TMEM132B: variants seen among roughly 807,000 people sequenced by gnomAD.
The protein encoded by TMEM132B is transmembrane protein 132B.
A neutral mutation model predicts 90.8 loss-of-function variants in TMEM132B; 18 were observed. That is an observed-to-expected ratio of 0.20 (90% CI 0.14 to 0.29). TMEM132B has a LOEUF of 0.29. Ranked by LOEUF, TMEM132B falls within the 10% of genes least tolerant of loss-of-function variation. TMEM132B has a pLI of 1.00. For missense variants in TMEM132B, 1,096 were observed against 1,326.8 expected (o/e 0.83, Z 2.70); for synonymous variants, 504 against 523.3 (o/e 0.96, Z 0.50).
At chr12:125,335,815 T>C (rs1056283751) in intron 1 of TMEM132B, among the ~76,000 whole-genome samples, 1 of 151,970 alleles carries the variant, frequency 6.6e-6, no homozygotes, top group Non-Finnish European at 1.5e-5. Flanking sequence ...GGCAAAACCC[T>C]GTCTCTACTA....
intron 1 of TMEM132B, among the ~76,000 whole-genome samples, chr12:125,287,151 C>T (rs1449770941): frequency 1.3e-5 from 2 of 151,930 alleles, no homozygotes; most frequent in Non-Finnish European, 2.9e-5. Flanking sequence ...TTTATCTCCC[C>T]GGCCTTGCCC....
At chr12:125,589,794 C>T (rs912606937) in intron 5 of TMEM132B, among the ~76,000 whole-genome samples, 1 of 152,118 alleles carries the variant, frequency 6.6e-6, no homozygotes, top group African/African-American at 2.4e-5. Context: ...CTGAATCATT[C>T]ATGAGAAATC....
At chr12:125,233,991 A>G (rs953614025) in intron 1 of TMEM132B, among the ~76,000 whole-genome samples, 1 of 152,214 alleles carries the variant, frequency 6.6e-6, no homozygotes, top group Non-Finnish European at 1.5e-5. Context: ...GCTTCTTATT[A>G]TGAAGATGTA....
chr12:125,577,592 A>G (rs1415509785), intron 4 of TMEM132B, among the ~76,000 whole-genome samples: 7 of 150,452 alleles, frequency 4.7e-5, no homozygotes, highest in African/African-American at 1.7e-4. Context: ...TTATTATTAA[A>G]CTATACTTAA....
chr12:125,315,111 G>A (rs1243063923), intron 1 of TMEM132B, among the ~76,000 whole-genome samples: 1 of 152,376 alleles, frequency 6.6e-6, no homozygotes, highest in African/African-American at 2.4e-5. Flanking sequence ...TGCACAGAAG[G>A]AAGTAGGTTA....
At chr12:125,372,439 G>A (rs979144780) in intron 2 of TMEM132B, among the ~76,000 whole-genome samples, 3 of 152,080 alleles carry the variant, frequency 2.0e-5, no homozygotes, top group African/African-American at 7.2e-5. Flanking sequence ...ATATATTGGC[G>A]GTTTTCCTCT....
intron 4 of TMEM132B, among the ~76,000 whole-genome samples, chr12:125,578,097 A>G (rs1196684793): frequency 6.6e-6 from 1 of 152,080 alleles, no homozygotes; most frequent in Non-Finnish European, 1.5e-5. Context: ...ACTGTGTTCT[A>G]TAGATGTCTG....
intron 4 of TMEM132B, among the ~76,000 whole-genome samples, chr12:125,579,743 T>C (rs1885011541): frequency 1.3e-5 from 2 of 152,204 alleles, no homozygotes; most frequent in South Asian, 4.1e-4. Context: ...ATAATTGTCA[T>C]CTTTGTGTAG....
rs1873816068 is a variant in TMEM132B at position 125,231,306 on chromosome 12, G to T, written c.67+44440G>T. 2.0e-5 allele frequency among the ~76,000 whole-genome samples: 3 copies of T among 152,014 alleles called. No homozygotes were observed. In the South Asian group the frequency reaches 6.2e-4, roughly 32 times the overall value. On this transcript the variant is annotated intron_variant, in intron 1 of 8. Transcript: ENST00000682704. ...TGAATTTAAGGCCCACCCCAATGCA[G>T]TATGACCTCACCTTAACTAATGACA...
chr12:125,457,746 C>T (rs1018970410), intron 3 of TMEM132B, among the ~76,000 whole-genome samples: 1 of 152,156 alleles, frequency 6.6e-6, no homozygotes, highest in African/African-American at 2.4e-5. Context: ...GTGTGCTTGT[C>T]TAGCTGAGCA....
chr12:125,481,218 C>T (rs895595864), intron 3 of TMEM132B, among the ~76,000 whole-genome samples: 1 of 152,206 alleles, frequency 6.6e-6, no homozygotes, highest in Non-Finnish European at 1.5e-5. Flanking sequence ...CCCTCTTTCA[C>T]CACTCCTATT....
intron 5 of TMEM132B, among the ~76,000 whole-genome samples, chr12:125,625,320 A>G (rs1886207736): frequency 6.6e-6 from 1 of 151,830 alleles, no homozygotes; most frequent in African/African-American, 2.4e-5. Context: ...TTTTTAGTAG[A>G]GACGGGGTTT....
chr12:125,282,048 AAAAAAAAAAAAAG>A lies in TMEM132B; in HGVS notation c.68-67402_68-67390del, dbSNP rs1448668177. ...GTCTCAAAAAAAAAAAAAAAAAAAA[AAAAAAAAAAAAAG>A]AGAGACTTTTGAAGCTTGGTGAGAG... On this transcript the variant is annotated intron_variant, in intron 1 of 8. Coordinates refer to ENST00000682704, the MANE Select transcript of TMEM132B (RefSeq NM_001366854.1). Among the ~76,000 whole-genome samples the A allele has an allele frequency of 5.3e-3, 646 of 122,670 alleles. 43 individuals carry two copies. Among genetic ancestry groups the A allele is most frequent in the African/African-American group, 0.019 (572 of 30,010 alleles). The allele number at this position is 122,670 out of a possible 152,430, so 80.5% of individuals were successfully genotyped here.
intron 4 of TMEM132B, among the ~76,000 whole-genome samples, chr12:125,544,423 G>A (rs1386110934): frequency 6.6e-6 from 1 of 152,124 alleles, no homozygotes; most frequent in Non-Finnish European, 1.5e-5. Flanking sequence ...GATGAAAGAG[G>A]TTTATTAGGT....
chr12:125,571,709 A>G (rs948760149), intron 4 of TMEM132B, among the ~76,000 whole-genome samples: 39 of 152,222 alleles, frequency 2.6e-4, no homozygotes, highest in African/African-American at 5.5e-4. Context: ...CTTTCAACAC[A>G]AAGACACATT....
At chr12:125,393,194 G>T (rs146049610) in intron 2 of TMEM132B, among the ~76,000 whole-genome samples, 1 of 152,276 alleles carries the variant, frequency 6.6e-6, no homozygotes, top group African/African-American at 2.4e-5. Flanking sequence ...CAATCACAGG[G>T]ACCTGCTGCA....
intron 3 of TMEM132B, among the ~76,000 whole-genome samples, chr12:125,508,583 C>A (rs527334282): frequency 6.6e-6 from 1 of 152,184 alleles, no homozygotes; most frequent in Admixed American, 6.5e-5. Flanking sequence ...ACTCCAGGAC[C>A]ATGGTCTCAT....
chr12:125,214,503 G>C (rs766228470), intron 1 of TMEM132B, among the ~76,000 whole-genome samples: 1 of 152,132 alleles, frequency 6.6e-6, no homozygotes, highest in Non-Finnish European at 1.5e-5. Context: ...ATTGTGACTC[G>C]GGCCAAGCCT....
chr12:125,639,889 C>A (rs947039872), intron 5 of TMEM132B, among the ~76,000 whole-genome samples: 1 of 152,188 alleles, frequency 6.6e-6, no homozygotes, highest in Non-Finnish European at 1.5e-5. Context: ...ACCACATAGA[C>A]CAAGATGGCT....
Sources: gnomAD v4.1 joint callset for allele counts (sites outside exome capture counted in the v4.1 genomes callset) on GRCh38, gnomAD v4.1.1 for gene constraint, MANE v1.5 for transcripts, NCBI Gene and HGNC (gene_info 2026-07-23, HGNC 2026-07-21) for gene names.